TRDMT1: variants seen among roughly 807,000 people sequenced by gnomAD.
TRDMT1 encodes the protein tRNA (cytosine(38)-C(5))-methyltransferase.
TRDMT1 carries 49 observed loss-of-function variants against 51.2 expected under a neutral mutation model. The ratio of observed to expected loss-of-function variants is 0.96; its 90% CI spans 0.76 to 1.21. The LOEUF is 1.21. TRDMT1 is among the 50% of genes most tolerant of loss of function. The pLI is 0.00. For synonymous variants in TRDMT1, 187 were observed against 164.6 expected (o/e 1.14, Z -1.04); for missense variants, 534 against 462.3 (o/e 1.16, Z -1.42).
At position 17,168,952 on chromosome 10, in the gene TRDMT1, TA is replaced by T. The variant is rs767809501; in HGVS notation, c.175-36del. On this transcript the variant is annotated intron_variant, in intron 2 of 10. Coordinates refer to ENST00000377799, the MANE Select transcript of TRDMT1 (RefSeq NM_004412.7). ...GAACATTTAGGGGGAAAAAAGAACA[TA>T]AAAACATGGATAGAATGGGGAAGAG... 1.2e-5 allele frequency: 17 copies of T among 1,399,492 alleles called. No individual in the cohort carries two copies. In the Admixed American group the frequency reaches 2.2e-4, roughly 18 times the overall value. 86.7% of individuals were successfully genotyped at this position (1,399,492 alleles called of 1,614,324 possible). A position where few individuals can be genotyped will look rare whatever the true frequency, so the allele number is the denominator to read the frequency against.
At chr10:17,193,602 A>C (rs1265740215) in intron 1 of TRDMT1, among the ~76,000 whole-genome samples, 1 of 152,150 alleles carries the variant, frequency 6.6e-6, no homozygotes, top group African/African-American at 2.4e-5. Context: ...CATCTAACCA[A>C]GGAGGTGAAA....
chr10:17,188,645 G>A (rs1844268983), intron 1 of TRDMT1, among the ~76,000 whole-genome samples: 1 of 152,114 alleles, frequency 6.6e-6, no homozygotes, highest in Admixed American at 6.5e-5. Context: ...TTTCTCATGT[G>A]CCTCTTTGAA....
At chr10:17,151,476 C>T in intron 10 of TRDMT1, 1 of 977,038 alleles carries the variant, frequency 1.0e-6, no homozygotes, top group Non-Finnish European at 1.2e-6. Context: ...ACAGCTCAAA[C>T]AATGCCCATT....
At chr10:17,164,335 C>T (rs1315763280) in intron 3 of TRDMT1, among the ~76,000 whole-genome samples, 4 of 152,186 alleles carry the variant, frequency 2.6e-5, no homozygotes, top group African/African-American at 9.7e-5. Context: ...ATGCTAAAAA[C>T]TCTCAATAAA....
chr10:17,187,061 T>A (rs1280906040), intron 1 of TRDMT1, among the ~76,000 whole-genome samples: 1 of 152,198 alleles, frequency 6.6e-6, no homozygotes, highest in Non-Finnish European at 1.5e-5. Flanking sequence ...TCTTCTCTAT[T>A]TGTGTAGCAT....
chr10:17,162,264 A>G, intron 3 of TRDMT1, 27 bp from the exon 4 acceptor site: 1 of 1,479,320 alleles, frequency 6.8e-7, no homozygotes, highest in Non-Finnish European at 9.1e-7. Context: ...AAAAAAAAAC[A>G]AAAAAAAACA....
chr10:17,184,660 T>C lies in TRDMT1; in HGVS notation c.65-10000A>G, dbSNP rs189848382. Among the ~76,000 whole-genome samples the C allele has an allele frequency of 2.6e-3, 391 of 152,090 alleles. 2 individuals carry two copies. The highest frequency in any genetic ancestry group is 9.1e-3 in the African/African-American group (377 of 41,478). Reference sequence around the variant, plus strand: ...GCTACAGATACCTCTAAAAGGAGAGTTAAGTTTTACAATTTTGCACTAGGC... The same window carrying C: ...GCTACAGATACCTCTAAAAGGAGAGCTAAGTTTTACAATTTTGCACTAGGC... On this transcript the variant is annotated intron_variant, in intron 1 of 10. Coordinates refer to ENST00000377799, the MANE Select transcript of TRDMT1 (RefSeq NM_004412.7).
rs979620205 is a variant in TRDMT1 at position 17,151,304 on chromosome 10, G to T, written c.1076-2164C>A. ...AACAATAATAATCCTCAAAAACAAA[G>T]AAACATGGGATGAACAAGGTCAAGA... On this transcript the variant is annotated intron_variant, in intron 10 of 10. Coordinates refer to ENST00000377799, the MANE Select transcript of TRDMT1 (RefSeq NM_004412.7). The T allele has an allele frequency of 3.0e-6, 3 of 984,966 alleles. No individual in the cohort carries two copies. In the African/African-American group the frequency reaches 5.2e-5, roughly 17 times the overall value. 61.0% of individuals were successfully genotyped at this position (984,966 alleles called of 1,614,324 possible). A position where few individuals can be genotyped will look rare whatever the true frequency, so the allele number is the denominator to read the frequency against.
chr10:17,171,110 GATGT>G (rs1434391634), intron 2 of TRDMT1, among the ~76,000 whole-genome samples: 6 of 82,832 alleles, frequency 7.2e-5, no homozygotes, highest in Admixed American at 1.1e-4. Flanking sequence ...ACTGGATTTA[GATGT>G]GTGTGTGTGT....
intron 7 of TRDMT1, among the ~76,000 whole-genome samples, chr10:17,158,673 GTACTAATCAT>G (rs1008276474): frequency 2.6e-5 from 4 of 152,118 alleles, no homozygotes; most frequent in African/African-American, 9.7e-5. Context: ...ATTCTAGCTT[GTACTAATCAT>G]TACTATATTT....
In TRDMT1 at chr10:17,138,682, A is replaced by C. The variant is rs1837494964; in HGVS notation, c.*10358T>G. 6.6e-6 allele frequency among the ~76,000 whole-genome samples: 1 copy of C among 152,194 alleles called. No homozygotes were observed. Among genetic ancestry groups the C allele is most frequent in the Non-Finnish European group, 1.5e-5 (1 of 68,036 alleles). On this transcript the variant is annotated 3_prime_UTR_variant, in exon 11 of 11. Transcript: ENST00000377799. ...AATTATGAGTTAATCATTAACATTTAAATTGCTGAGGTTTGGCAGAGCTTT... is the reference window on the plus strand; with the variant it reads ...AATTATGAGTTAATCATTAACATTTCAATTGCTGAGGTTTGGCAGAGCTTT...
At chr10:17,195,080 C>A (rs954583549) in intron 1 of TRDMT1, among the ~76,000 whole-genome samples, 2 of 151,492 alleles carry the variant, frequency 1.3e-5, no homozygotes, top group African/African-American at 4.9e-5. Context: ...GAACTTAAAA[C>A]AAAACTACCA....
chr10:17,145,476 C>T lies in TRDMT1; in HGVS notation c.*3564G>A. Reference sequence around the variant, plus strand: ...CTTTAAAAATTATATAATCTCAATGCAATCACAGGCTACAAGAAAACTGCT... The same window carrying T: ...CTTTAAAAATTATATAATCTCAATGTAATCACAGGCTACAAGAAAACTGCT... On this transcript the variant is annotated 3_prime_UTR_variant, in exon 11 of 11. Transcript: ENST00000377799. 1.0e-6 allele frequency: 1 copy of T among 985,372 alleles called. No individual in the cohort carries two copies. The highest frequency in any genetic ancestry group is 1.2e-6 in the Non-Finnish European group (1 of 829,922). 61.0% of individuals were successfully genotyped at this position (985,372 alleles called of 1,614,324 possible).
intron 1 of TRDMT1, among the ~76,000 whole-genome samples, chr10:17,184,169 A>G (rs992845309): frequency 3.9e-5 from 6 of 152,178 alleles, no homozygotes; most frequent in African/African-American, 9.6e-5. Context: ...GATGCAGTCA[A>G]TTACAGGTGT....
chr10:17,153,316 G>A (rs536081009), intron 10 of TRDMT1, 191 bp downstream of exon 10: 2 of 611,720 alleles, frequency 3.3e-6, no homozygotes, highest in African/African-American at 3.7e-5. Flanking sequence ...GGGGGAGAAT[G>A]AGTCAGTAGA....
rs1261756229 is a variant in TRDMT1 at position 17,137,827 on chromosome 10, CA to C, written c.*11212del. 1.5e-4 allele frequency among the ~76,000 whole-genome samples: 13 copies of C among 85,646 alleles called. No individual in the cohort carries two copies. Among genetic ancestry groups the C allele is most frequent in the South Asian group, 3.5e-4 (1 of 2,836 alleles). 56.2% of individuals were successfully genotyped at this position (85,646 alleles called of 152,430 possible). ...CCTGGGTGACAGAGCGAAACTCTGC[CA>C]AAAAAAAAAGAAAAAAAAAAAAAGG... On this transcript the variant is annotated 3_prime_UTR_variant, in exon 11 of 11. Coordinates refer to ENST00000377799, the MANE Select transcript of TRDMT1 (RefSeq NM_004412.7).
rs1243103460 is a variant in TRDMT1, at chr10:17,179,014, G to A, written c.65-4354C>T. Among the ~76,000 whole-genome samples the A allele has an allele frequency of 2.0e-5, 3 of 152,212 alleles. No individual in the cohort carries two copies. In the South Asian group the frequency reaches 6.2e-4, roughly 32 times the overall value. On this transcript the variant is annotated intron_variant, in intron 1 of 10. Transcript: ENST00000377799. Reference sequence around the variant, plus strand: ...AAGACATACCAGAGCCAGAGAAGTGGTGGAAGAGAGAAATATGGCAAATTA... The same window carrying A: ...AAGACATACCAGAGCCAGAGAAGTGATGGAAGAGAGAAATATGGCAAATTA...
chr10:17,193,481 C>T (rs2131613197), intron 1 of TRDMT1, among the ~76,000 whole-genome samples: 1 of 152,218 alleles, frequency 6.6e-6, no homozygotes, highest in Admixed American at 6.5e-5. Context: ...AATTAATGTG[C>T]AAAAATTAGA....
At chr10:17,169,480 T>G (rs924293186) in intron 2 of TRDMT1, 2 of 1,289,708 alleles carry the variant, frequency 1.6e-6, no homozygotes, top group African/African-American at 3.0e-5. Flanking sequence ...GTTGACAAGA[T>G]GCATCAAAAG....
Sources: gnomAD v4.1 joint callset for allele counts (sites outside exome capture counted in the v4.1 genomes callset) on GRCh38, gnomAD v4.1.1 for gene constraint, MANE v1.5 for transcripts, NCBI Gene and HGNC (gene_info 2026-07-23, HGNC 2026-07-21) for gene names.